The following BMPR1B variants were observed in gnomAD, a reference collection of about 807,000 sequenced individuals.
BMPR1B encodes the protein bone morphogenetic protein receptor type 1B, also known as bone morphogenetic protein receptor type-1B.
Under a neutral mutation model 59.1 loss-of-function variants are expected in BMPR1B, and 12 were observed. The observed-to-expected ratio is 0.20, with a 90% CI of 0.13 to 0.33. The LOEUF (loss-of-function observed/expected upper bound fraction) is 0.33, where lower values mean the gene tolerates loss of function less well. BMPR1B is among the 10% of genes least tolerant of loss of function. The pLI is 1.00. For synonymous variants in BMPR1B, 237 were observed against 207.3 expected, an observed-to-expected ratio of 1.14 and a Z score of -1.23; for missense variants, 550 against 610.9, an observed-to-expected ratio of 0.90 and a Z score of 1.05.
intron 1 of BMPR1B, among the ~76,000 whole-genome samples, chr4:94,826,112 C>A (rs962800239): frequency 6.6e-6 from 1 of 152,054 alleles, no homozygotes; most frequent in Non-Finnish European, 1.5e-5. Flanking sequence ...TGATAAGGGC[C>A]AGTCAATAGA....
intron 2 of BMPR1B, among the ~76,000 whole-genome samples, chr4:94,987,215 CAT>C (rs1196179120): frequency 7.1e-6 from 1 of 140,374 alleles, no homozygotes; most frequent in Non-Finnish European, 1.5e-5. Context: ...TAATATATAT[CAT>C]ATTATATATA....
intron 2 of BMPR1B, among the ~76,000 whole-genome samples, chr4:94,891,360 A>G (rs1417621852): frequency 6.6e-6 from 1 of 152,126 alleles, no homozygotes; most frequent in East Asian, 1.9e-4. Flanking sequence ...ACAAAAGCCT[A>G]TTAACAGATA....
chr4:95,061,746 G>A (rs555490613), intron 3 of BMPR1B, among the ~76,000 whole-genome samples: 23 of 152,272 alleles, frequency 1.5e-4, no homozygotes, highest in African/African-American at 5.5e-4. Flanking sequence ...CCTTAGGATT[G>A]TTGTTTAGGC....
intron 2 of BMPR1B, among the ~76,000 whole-genome samples, chr4:94,925,437 G>T (rs531958686): frequency 6.6e-6 from 1 of 152,122 alleles, no homozygotes; most frequent in African/African-American, 2.4e-5. Context: ...AGTCTGTTTT[G>T]ATATAAGTCA....
chr4:94,781,461 A>C (rs941532253), intron 1 of BMPR1B, among the ~76,000 whole-genome samples: 1 of 152,068 alleles, frequency 6.6e-6, no homozygotes, highest in Non-Finnish European at 1.5e-5. Context: ...CACCCAGGCC[A>C]GAGTGCAGTG....
chr4:94,976,543 T>C (rs1472371033), intron 2 of BMPR1B, among the ~76,000 whole-genome samples: 2 of 152,214 alleles, frequency 1.3e-5, no homozygotes, highest in East Asian at 3.8e-4. Flanking sequence ...CATGTCTTAT[T>C]CCATTACTGC....
intron 2 of BMPR1B, among the ~76,000 whole-genome samples, chr4:94,966,616 A>T (rs1383838751): frequency 6.6e-6 from 1 of 152,216 alleles, no homozygotes; most frequent in Non-Finnish European, 1.5e-5. Context: ...TCTTTAAACA[A>T]TGAACTCTAT....
chr4:94,951,962 G>A (rs1297476264), intron 2 of BMPR1B, among the ~76,000 whole-genome samples: 5 of 151,924 alleles, frequency 3.3e-5, no homozygotes, highest in African/African-American at 7.3e-5. Flanking sequence ...TCAGGGATTC[G>A]ACTTCTTCCT....
rs1459082558 is a variant in BMPR1B, at chr4:95,071,650, G to GTATATA, written c.-17-32757_-17-32756insATATAT. 5.4e-3 allele frequency among the ~76,000 whole-genome samples: 423 copies of GTATATA among 78,408 alleles called. 1 individual carries two copies. Among genetic ancestry groups the GTATATA allele is most frequent in the African/African-American group, 0.014 (324 of 23,606 alleles). 51.4% of individuals were successfully genotyped at this position (78,408 alleles called of 152,430 possible). ...TGTGTGTTTGTGTGTGTGTGTGTGTGTGTATATATATATATATATATATAT... is the reference window on the plus strand; with the variant it reads ...TGTGTGTTTGTGTGTGTGTGTGTGTGTATATATGTATATATATATATATATATATAT... On this transcript the variant is annotated intron_variant, in intron 3 of 12. Transcript: ENST00000515059.
chr4:95,062,274 C>G (rs768728068), intron 3 of BMPR1B, among the ~76,000 whole-genome samples: 4 of 152,096 alleles, frequency 2.6e-5, no homozygotes, highest in Non-Finnish European at 5.9e-5. Flanking sequence ...GAAAAAAGCT[C>G]AGAACTGATA....
At chr4:95,098,758 C>T (rs529912351) in intron 3 of BMPR1B, among the ~76,000 whole-genome samples, 1 of 151,960 alleles carries the variant, frequency 6.6e-6, no homozygotes, top group Non-Finnish European at 1.5e-5. Context: ...ATTCTGTCAC[C>T]CAGGCTGGAG....
rs141986836 is a variant in BMPR1B at position 94,936,740 on chromosome 4, A to C, written c.-112-59300A>C. Reference sequence around the variant, plus strand: ...TGGGTTTGCCTTTCAGTAGAGCTTTATGTTAAATGTTGATGTTGCTCAGTC... The same window carrying C: ...TGGGTTTGCCTTTCAGTAGAGCTTTCTGTTAAATGTTGATGTTGCTCAGTC... On this transcript the variant is annotated intron_variant, in intron 2 of 12. Coordinates refer to ENST00000515059, the MANE Select transcript of BMPR1B (RefSeq NM_001203.3). Among the ~76,000 whole-genome samples, 8 of 152,160 alleles carry C rather than the reference A, an allele frequency of 5.3e-5. No individual in the cohort carries two copies. The East Asian group carries it at 1.6e-3, about 29-fold the overall frequency.
rs11934832 is a variant in BMPR1B at position 95,107,272 on chromosome 4, A to G, written c.143+2705A>G. 2.7e-3 allele frequency among the ~76,000 whole-genome samples: 415 copies of G among 152,188 alleles called. 2 individuals carry two copies. Among genetic ancestry groups the G allele is most frequent in the African/African-American group, 9.1e-3 (378 of 41,544 alleles). ...ACTTAGAGAGGTAGTAAGGTCAGCTATGTTGGATCTATTAGAGAGTAGAAT... is the reference window on the plus strand; with the variant it reads ...ACTTAGAGAGGTAGTAAGGTCAGCTGTGTTGGATCTATTAGAGAGTAGAAT... On this transcript the variant is annotated intron_variant, in intron 4 of 12. Transcript: ENST00000515059.
intron 1 of BMPR1B, among the ~76,000 whole-genome samples, chr4:94,778,112 G>C (rs993695790): frequency 6.6e-6 from 1 of 151,928 alleles, no homozygotes; most frequent in African/African-American, 2.4e-5. Context: ...AATAAATAGA[G>C]TAAATGCTTG....
intron 3 of BMPR1B, among the ~76,000 whole-genome samples, chr4:95,009,526 A>G (rs1723078998): frequency 6.6e-6 from 1 of 152,164 alleles, no homozygotes; most frequent in South Asian, 2.1e-4. Context: ...AGTCACAAAA[A>G]ATACATACAA....
chr4:95,114,844 T>C (rs1442417051), intron 5 of BMPR1B, 22 bp downstream of exon 5: 4 of 1,564,314 alleles, frequency 2.6e-6, no homozygotes, highest in Non-Finnish European at 3.5e-6. Context: ...AACTTGATTC[T>C]GTAACCTTTC....
chr4:94,803,181 C>G (rs1723474945), intron 1 of BMPR1B, among the ~76,000 whole-genome samples: 1 of 152,142 alleles, frequency 6.6e-6, no homozygotes, highest in Admixed American at 6.6e-5. Context: ...GGCTGTGACT[C>G]CCATTTGGTA....
At chr4:95,104,250 A>C in intron 3 of BMPR1B, 158 bp from the exon 4 acceptor site, 2 of 844,806 alleles carry the variant, frequency 2.4e-6, no homozygotes, top group Non-Finnish European at 1.8e-6. Flanking sequence ...GGTAAAAGAC[A>C]TGATTTTAAT....
chr4:94,955,292 T>A (rs1485723458), intron 2 of BMPR1B, among the ~76,000 whole-genome samples: 3 of 152,180 alleles, frequency 2.0e-5, no homozygotes, highest in African/African-American at 4.8e-5. Flanking sequence ...CATGATCTCC[T>A]TTTTTAAGGA....
Sources: gnomAD v4.1 joint callset for allele counts (sites outside exome capture counted in the v4.1 genomes callset) on GRCh38, gnomAD v4.1.1 for gene constraint, MANE v1.5 for transcripts, NCBI Gene and HGNC (gene_info 2026-07-23, HGNC 2026-07-21) for gene names.